DMD: variants seen among roughly 807,000 people sequenced by gnomAD.
The protein encoded by DMD is mutant dystrophin.
DMD carries 63 observed loss-of-function variants against 330.1 expected under a neutral mutation model. That is an observed-to-expected ratio of 0.19 (90% CI 0.16 to 0.24). DMD has a LOEUF of 0.24. Ranked by LOEUF, DMD falls within the 10% of genes least tolerant of loss-of-function variation. The probability of loss-of-function intolerance (pLI) is 1.00; values close to 1 mark genes in which losing one functional copy is unlikely to be tolerated. For missense variants in DMD, 3,344 were observed against 2,684.1 expected (o/e 1.25, Z -5.43); for synonymous variants, 1,223 against 959.8 (o/e 1.27, Z -5.07).
chrX:33,220,218 G>A (rs1451720463), intron 1 of DMD, among the ~76,000 whole-genome samples: 1 of 111,036 alleles, frequency 9.0e-6, no homozygotes. Flanking sequence ...AGCTTTCCAG[G>A]GCAAAAAACA....
chrX:33,165,555 T>C, intron 1 of DMD, among the ~76,000 whole-genome samples: 1 of 111,246 alleles, frequency 9.0e-6, no homozygotes, highest in East Asian at 2.8e-4. Flanking sequence ...AAGGTGTGTT[T>C]AGAATATACA....
At chrX:32,490,618 T>C (rs1377796148) in intron 20 of DMD, among the ~76,000 whole-genome samples, 1 of 111,326 alleles carries the variant, frequency 9.0e-6, no homozygotes, top group Admixed American at 9.6e-5. Context: ...TGAGGATTCC[T>C]TAAGCCGGCC....
At chrX:32,994,745 T>C (rs192585476) in intron 2 of DMD, among the ~76,000 whole-genome samples, 3 of 112,022 alleles carry the variant, frequency 2.7e-5, no homozygotes, top group Admixed American at 9.5e-5. Context: ...ATTAGCTTGA[T>C]TGAATGTTTC....
chrX:32,430,408 T>A (rs753293832), intron 29 of DMD, among the ~76,000 whole-genome samples: 91 of 111,836 alleles, frequency 8.1e-4, no homozygotes, highest in African/African-American at 2.8e-3. Flanking sequence ...CTCAAAAAAA[T>A]TATGACATAC....
intron 55 of DMD, among the ~76,000 whole-genome samples, chrX:31,531,679 A>C (rs756208635): frequency 9.2e-6 from 1 of 108,335 alleles, no homozygotes; most frequent in East Asian, 2.9e-4. Flanking sequence ...TCTTGAGTTT[A>C]ATTAGATCCC....
intron 9 of DMD, among the ~76,000 whole-genome samples, chrX:32,694,741 C>G (rs1418720218): frequency 1.8e-5 from 2 of 111,883 alleles, no homozygotes; most frequent in Admixed American, 9.5e-5. Flanking sequence ...ACTGCAACCT[C>G]CACCTCCCGG....
intron 39 of DMD, among the ~76,000 whole-genome samples, chrX:32,343,978 C>G (rs1036284601): frequency 1.8e-5 from 2 of 111,698 alleles, no homozygotes; most frequent in African/African-American, 6.5e-5. Context: ...AAATCATGCT[C>G]TAAATGCAAA....
chrX:32,921,547 G>T (rs1443080216), intron 2 of DMD, among the ~76,000 whole-genome samples: 1 of 111,459 alleles, frequency 9.0e-6, no homozygotes, highest in Non-Finnish European at 1.9e-5. Flanking sequence ...GTGGCCATGT[G>T]TATGACTATG....
At chrX:33,130,136 G>T (rs2148533476) in intron 1 of DMD, among the ~76,000 whole-genome samples, 1 of 111,997 alleles carries the variant, frequency 8.9e-6, no homozygotes, top group African/African-American at 3.2e-5. Flanking sequence ...AGGAAAAAAG[G>T]AACCCTATAT....
intron 32 of DMD, among the ~76,000 whole-genome samples, chrX:32,388,612 T>C (rs955679085): frequency 2.7e-5 from 3 of 110,753 alleles, no homozygotes; most frequent in African/African-American, 9.8e-5. Flanking sequence ...ATTCATGATA[T>C]GACTACGATG....
intron 61 of DMD, among the ~76,000 whole-genome samples, chrX:31,329,471 T>C (rs373316700): frequency 8.9e-6 from 1 of 112,105 alleles, no homozygotes; most frequent in Non-Finnish European, 1.9e-5. Flanking sequence ...ACTCCACTTT[T>C]ATGAAGTGTC....
chrX:32,301,222 TAAAAAAAAA>T (rs56329666), intron 42 of DMD, among the ~76,000 whole-genome samples: 1 of 74,687 alleles, frequency 1.3e-5, no homozygotes, highest in Non-Finnish European at 2.6e-5. Context: ...TGCATACATC[TAAAAAAAAA>T]AAAAAAAGAA....
chrX:32,780,631 C>A (rs1026989126), intron 7 of DMD, among the ~76,000 whole-genome samples: 2 of 111,653 alleles, frequency 1.8e-5, no homozygotes, highest in Non-Finnish European at 3.8e-5. Flanking sequence ...AACTTCAATA[C>A]TTGGATACTG....
chrX:33,034,771 C>A (rs1275607677), intron 1 of DMD, among the ~76,000 whole-genome samples: 1 of 112,099 alleles, frequency 8.9e-6, no homozygotes, highest in Non-Finnish European at 1.9e-5. Flanking sequence ...TTGCCGCTTA[C>A]TGGCTGAGTT....
chrX:31,804,560 C>A (rs2092221314), intron 50 of DMD, among the ~76,000 whole-genome samples: 2 of 111,843 alleles, frequency 1.8e-5, no homozygotes, highest in South Asian at 7.5e-4. Flanking sequence ...CTTTCAATTA[C>A]CCTTCAAATA....
intron 43 of DMD, among the ~76,000 whole-genome samples, chrX:32,236,777 C>A (rs1280808977): frequency 1.8e-5 from 2 of 111,793 alleles, no homozygotes; most frequent in Non-Finnish European, 3.8e-5. Context: ...TCTTTATCAG[C>A]AGCATGAAAA....
At chrX:31,308,269 C>T (rs960842582) in intron 62 of DMD, among the ~76,000 whole-genome samples, 1 of 111,871 alleles carries the variant, frequency 8.9e-6, no homozygotes, top group African/African-American at 3.2e-5. Flanking sequence ...AGGTGTTTTC[C>T]TAAGATATTC....
intron 1 of DMD, among the ~76,000 whole-genome samples, chrX:33,043,464 A>G (rs1308963822): frequency 1.8e-5 from 2 of 111,090 alleles, no homozygotes; most frequent in Non-Finnish European, 3.8e-5. Flanking sequence ...TACCACAGTG[A>G]AAGAAACAAA....
rs1009816336 is a variant in DMD at position 31,655,445 on chromosome X, T to C, written c.8027+2545A>G. 2.2e-4 allele frequency among the ~76,000 whole-genome samples: 25 copies of C among 111,244 alleles called. 1 individual carries two copies. The Admixed American group carries it at 2.3e-3, about 10-fold the overall frequency. On this transcript the variant is annotated intron_variant, in intron 54 of 78. Transcript: ENST00000357033. ...TTGCACTTTTGAGTTTATGCTGAAA[T>C]AAGATTTTTGGGGCTTTGGGGATGA...
Sources: gnomAD v4.1 joint callset for allele counts (sites outside exome capture counted in the v4.1 genomes callset) on GRCh38, gnomAD v4.1.1 for gene constraint, MANE v1.5 for transcripts, NCBI Gene and HGNC (gene_info 2026-07-23, HGNC 2026-07-21) for gene names.